The following SH3GL2 variants were observed in gnomAD, a reference collection of about 807,000 sequenced individuals.
SH3GL2 encodes endophilin-A1.
A neutral mutation model predicts 46.0 loss-of-function variants in SH3GL2; 24 were observed. That is an observed-to-expected ratio of 0.52 (90% CI 0.38 to 0.73). The LOEUF (loss-of-function observed/expected upper bound fraction) is 0.73, where lower values mean the gene tolerates loss of function less well. SH3GL2 is among the 30% of genes least tolerant of loss of function. The pLI, the probability that SH3GL2 is intolerant of heterozygous loss-of-function variation, is 0.00. For synonymous variants in SH3GL2, 196 were observed against 147.1 expected (o/e 1.33, Z -2.40); for missense variants, 413 against 424.2 (o/e 0.97, Z 0.23).
At chr9:17,705,623 T>C (rs1357516529) in intron 1 of SH3GL2, among the ~76,000 whole-genome samples, 1 of 151,948 alleles carries the variant, frequency 6.6e-6, no homozygotes, top group East Asian at 1.9e-4. Flanking sequence ...TACGCAGCTG[T>C]GAAAAAGAAT....
intron 1 of SH3GL2, among the ~76,000 whole-genome samples, chr9:17,641,898 C>T (rs1455230300): frequency 6.6e-6 from 1 of 152,210 alleles, no homozygotes; most frequent in Non-Finnish European, 1.5e-5. Flanking sequence ...CTGCAATAAA[C>T]ATACGTGTGC....
intron 1 of SH3GL2, among the ~76,000 whole-genome samples, chr9:17,685,244 A>G (rs1820872913): frequency 6.6e-6 from 1 of 152,066 alleles, no homozygotes; most frequent in Non-Finnish European, 1.5e-5. Context: ...AATTCATAGG[A>G]CATGTTTGCA....
At chr9:17,636,892 C>T (rs1819555863) in intron 1 of SH3GL2, among the ~76,000 whole-genome samples, 2 of 152,168 alleles carry the variant, frequency 1.3e-5, no homozygotes, top group Non-Finnish European at 2.9e-5. Flanking sequence ...AAATTCATTA[C>T]AGTGATCCTA....
At chr9:17,670,042 G>T (rs937086708) in intron 1 of SH3GL2, among the ~76,000 whole-genome samples, 1 of 152,266 alleles carries the variant, frequency 6.6e-6, no homozygotes, top group Non-Finnish European at 1.5e-5. Context: ...AGGATCAGGT[G>T]TGTCATCTGC....
chr9:17,594,076 G>A (rs1053675567), intron 1 of SH3GL2, among the ~76,000 whole-genome samples: 7 of 152,152 alleles, frequency 4.6e-5, no homozygotes, highest in Non-Finnish European at 1.0e-4. Context: ...CTTTTCTAAA[G>A]AGCAAATCTA....
chr9:17,718,706 G>A (rs1205377990), intron 1 of SH3GL2, among the ~76,000 whole-genome samples: 1 of 152,080 alleles, frequency 6.6e-6, no homozygotes, highest in Non-Finnish European at 1.5e-5. Flanking sequence ...CTCCAGCCTG[G>A]GTGACAGAGT....
chr9:17,640,996 C>G (rs1041371113), intron 1 of SH3GL2, among the ~76,000 whole-genome samples: 1 of 152,100 alleles, frequency 6.6e-6, no homozygotes, highest in African/African-American at 2.4e-5. Flanking sequence ...ATAAGTAAAA[C>G]TCTGAATTTA....
In SH3GL2 at chr9:17,789,375, G is replaced by T; in HGVS notation, c.466-17G>T. 6.2e-7 allele frequency: 1 copy of T among 1,611,364 alleles called. No individual in the cohort carries two copies. The highest frequency in any genetic ancestry group is 1.3e-5 in the African/African-American group (1 of 74,828). ...ATAAGCCCTTTCAAAGCCTATTCCT[G>T]CCCTTGACTTTTGCAGCATCATCTA... is the stretch of plus-strand genomic sequence containing the variant. On this transcript the variant is annotated splice_polypyrimidine_tract_variant and intron_variant, in intron 5 of 8. Coordinates refer to ENST00000380607, the MANE Select transcript of SH3GL2 (RefSeq NM_003026.5).
intron 1 of SH3GL2, among the ~76,000 whole-genome samples, chr9:17,710,427 T>C (rs1377692616): frequency 2.0e-5 from 3 of 151,964 alleles, no homozygotes; most frequent in Non-Finnish European, 2.9e-5. Flanking sequence ...TGGAGTGTTA[T>C]GGTCAGGTAT....
intron 1 of SH3GL2, among the ~76,000 whole-genome samples, chr9:17,717,009 T>G (rs10116159): frequency 6.6e-6 from 1 of 152,294 alleles, no homozygotes; most frequent in Middle Eastern, 3.4e-3. Flanking sequence ...CACTCCATTT[T>G]GCCCAGAACT....
chr9:17,766,113 C>CAGTCTTAG (rs2131157845), intron 3 of SH3GL2, among the ~76,000 whole-genome samples: 1 of 152,288 alleles, frequency 6.6e-6, no homozygotes, highest in African/African-American at 2.4e-5. Context: ...TGGAACCTCA[C>CAGTCTTAG]AGTCTTAGTG....
At chr9:17,649,977 A>T (rs901430735) in intron 1 of SH3GL2, among the ~76,000 whole-genome samples, 2 of 152,342 alleles carry the variant, frequency 1.3e-5, no homozygotes, top group South Asian at 2.1e-4. Flanking sequence ...TAAATTGATT[A>T]ATCTAAAAAG....
intron 1 of SH3GL2, among the ~76,000 whole-genome samples, chr9:17,596,671 T>C (rs1818577300): frequency 6.6e-6 from 1 of 152,236 alleles, no homozygotes; most frequent in East Asian, 1.9e-4. Context: ...GGAACATTGT[T>C]AATAGTCTCT....
chr9:17,698,013 C>T (rs1257650558), intron 1 of SH3GL2, among the ~76,000 whole-genome samples: 1 of 152,166 alleles, frequency 6.6e-6, no homozygotes, highest in Admixed American at 6.6e-5. Context: ...TTATTCATTC[C>T]TAATTTTTTC....
At position 17,611,070 on chromosome 9, in the gene SH3GL2, G is replaced by C. The variant is rs3808761; in HGVS notation, c.45+31783G>C. 7.8e-4 allele frequency among the ~76,000 whole-genome samples: 118 copies of C among 152,244 alleles called. 1 individual carries two copies. The East Asian group carries it at 0.014, about 18-fold the overall frequency. On this transcript the variant is annotated intron_variant, in intron 1 of 8. Transcript: ENST00000380607. Reference sequence around the variant, plus strand: ...TCTCTGAGAGTTATTCATTGTGACAGATTTTGTTTCATGACAGATGTAAAG... The same window carrying C: ...TCTCTGAGAGTTATTCATTGTGACACATTTTGTTTCATGACAGATGTAAAG...
At chr9:17,622,203 GT>G (rs1334218602) in intron 1 of SH3GL2, among the ~76,000 whole-genome samples, 1 of 152,028 alleles carries the variant, frequency 6.6e-6, no homozygotes, top group Non-Finnish European at 1.5e-5. Flanking sequence ...TATTAGCCTG[GT>G]TACTTGCCAG....
chr9:17,630,917 C>T (rs936846974), intron 1 of SH3GL2, among the ~76,000 whole-genome samples: 8 of 152,018 alleles, frequency 5.3e-5, no homozygotes, highest in Admixed American at 5.2e-4. Context: ...CCTACAATGA[C>T]TGTAGAAAAT....
intron 1 of SH3GL2, among the ~76,000 whole-genome samples, chr9:17,606,858 C>A (rs1395834783): frequency 6.6e-6 from 1 of 152,196 alleles, no homozygotes; most frequent in Non-Finnish European, 1.5e-5. Flanking sequence ...TTTGTCCAGG[C>A]AGCTTCAGTG....
intron 1 of SH3GL2, among the ~76,000 whole-genome samples, chr9:17,699,328 G>C (rs1204063095): frequency 6.6e-6 from 1 of 152,050 alleles, no homozygotes; most frequent in Non-Finnish European, 1.5e-5. Flanking sequence ...AGCATTCAAG[G>C]TGAAGGAAAC....
Sources: gnomAD v4.1 joint callset for allele counts (sites outside exome capture counted in the v4.1 genomes callset) on GRCh38, gnomAD v4.1.1 for gene constraint, MANE v1.5 for transcripts, NCBI Gene and HGNC (gene_info 2026-07-23, HGNC 2026-07-21) for gene names.